The following CACNA1C variants were observed in gnomAD, a reference collection of about 807,000 sequenced individuals.
The protein encoded by CACNA1C is voltage-dependent L-type calcium channel subunit alpha-1C.
In CACNA1C, 30 loss-of-function variants were observed where a neutral mutation model predicts 229.0. The observed-to-expected ratio is 0.13, with a 90% CI of 0.10 to 0.18. The LOEUF (loss-of-function observed/expected upper bound fraction) is 0.18, where lower values mean the gene tolerates loss of function less well. Among genes scored for constraint, CACNA1C ranks in the 10% least tolerant of loss-of-function variants. The pLI is 1.00. For synonymous variants in CACNA1C, 1,114 were observed against 1,132.5 expected (o/e 0.98, Z 0.33); for missense variants, 1,658 against 2,845.0 (o/e 0.58, Z 9.49).
At chr12:2,257,629 T>A (rs539374591) in intron 3 of CACNA1C, among the ~76,000 whole-genome samples, 162 of 152,366 alleles carry the variant, frequency 1.1e-3, no homozygotes, top group Admixed American at 1.6e-3. Context: ...TAACAGGCCA[T>A]GGACCGGTAC....
At chr12:2,668,047 C>A (rs1312612671) in intron 37 of CACNA1C, among the ~76,000 whole-genome samples, 2 of 152,248 alleles carry the variant, frequency 1.3e-5, no homozygotes, top group Admixed American at 6.5e-5. Context: ...TCTGCTCCAA[C>A]TTGATGCAGA....
intron 3 of CACNA1C, among the ~76,000 whole-genome samples, chr12:2,150,530 G>A (rs1313145903): frequency 1.1e-4 from 16 of 152,184 alleles, no homozygotes; most frequent in Admixed American, 1.0e-3. Flanking sequence ...AGGGCTCCCA[G>A]GCTACAGAGC....
At position 2,493,195 on chromosome 12, in the gene CACNA1C, C is replaced by T; in HGVS notation, c.922C>T (p.Pro308Ser). The T allele has an allele frequency of 6.2e-7, 1 of 1,613,428 alleles. No individual in the cohort carries two copies. The change falls in exon 7 of 47, where the codon CCA becomes TCA. Residue 308 changes from proline to serine, a missense_variant. Pro to Ser is a moderately conservative substitution (Grantham distance 74). Transcript: ENST00000399655. This position sits in a 1 kb window ranked among gnomAD's most constrained non-coding sequence, Gnocchi z 4.6. ...TCTTCTTCTGGCCATTTGAGATGTT[C>T]CAGCAGAAGATGACCCTTCCCCTTG... ...CYNQEGIADV[P>S]AEDDPSPCAL... is the part of the protein sequence containing the mutation.
chr12:2,642,927 A>C (rs978874774), intron 30 of CACNA1C, among the ~76,000 whole-genome samples: 1 of 152,238 alleles, frequency 6.6e-6, no homozygotes, highest in Admixed American at 6.5e-5. Flanking sequence ...ATCAGGCTGC[A>C]CATGATAACA....
intron 3 of CACNA1C, among the ~76,000 whole-genome samples, chr12:2,228,509 G>C (rs867690367): frequency 6.6e-6 from 1 of 152,204 alleles, no homozygotes; most frequent in African/African-American, 2.4e-5. Context: ...AAACAGCATA[G>C]GAGTTAAGCC....
Position 2,692,815 on chromosome 12 carries a change from T to A in CACNA1C, c.*1616T>A, listed in dbSNP as rs1429219704. On this transcript the variant is annotated 3_prime_UTR_variant, in exon 47 of 47. Coordinates refer to ENST00000399655, the MANE Select transcript of CACNA1C (RefSeq NM_000719.7). ...TTTCAGTATTTTTCAAATATTTTTT[T>A]AAAACTGAATTGCAATTGTGCCAAG... 3 of 152,692 alleles carry A rather than the reference T, an allele frequency of 2.0e-5. No homozygotes were observed. Among genetic ancestry groups the A allele is most frequent in the Admixed American group, 6.5e-5 (1 of 15,294 alleles). The allele number at this position is 152,692 out of a possible 1,614,324, so 9.5% of individuals were successfully genotyped here.
At chr12:2,228,197 A>C (rs1354890963) in intron 3 of CACNA1C, among the ~76,000 whole-genome samples, 1 of 152,192 alleles carries the variant, frequency 6.6e-6, no homozygotes, top group Non-Finnish European at 1.5e-5. Context: ...CACACCTTAC[A>C]CAGGGAACTC....
In CACNA1C at chr12:2,597,125, T is replaced by C; in HGVS notation, c.2794-105T>C. On this transcript the variant is annotated intron_variant, in intron 20 of 46. Transcript: ENST00000399655. The surrounding 1 kb of genome is among the most constrained non-coding windows in gnomAD (Gnocchi z 4.3). ...AGGCTTAAGTGCCAGGCATCTCATT[T>C]TGAAGTGTGGCCCCTTTTCTGGTGA... 1 of 747,794 alleles carries C rather than the reference T, an allele frequency of 1.3e-6. No individual in the cohort carries two copies. Among genetic ancestry groups the C allele is most frequent in the Non-Finnish European group, 2.4e-6 (1 of 422,672 alleles). The allele number at this position is 747,794 out of a possible 1,614,324, so 46.3% of individuals were successfully genotyped here. A position where few individuals can be genotyped will look rare whatever the true frequency, so the allele number is the denominator to read the frequency against.
chr12:2,565,492 A>T (rs1034083295), intron 11 of CACNA1C, among the ~76,000 whole-genome samples: 1 of 151,878 alleles, frequency 6.6e-6, no homozygotes, highest in African/African-American at 2.4e-5. Flanking sequence ...AAAAAAAAAA[A>T]AAAATACCCA....
At chr12:2,606,780 G>A in intron 25 of CACNA1C, 117 bp downstream of exon 25, 1 of 989,184 alleles carries the variant, frequency 1.0e-6, no homozygotes, top group South Asian at 1.5e-5. Context: ...CCTGCGCTCT[G>A]CCTGTGTGTC....
intron 3 of CACNA1C, among the ~76,000 whole-genome samples, chr12:2,299,060 C>T (rs540199002): frequency 1.3e-5 from 2 of 152,136 alleles, no homozygotes; most frequent in Non-Finnish European, 2.9e-5. Context: ...AAAATTAGCC[C>T]GAGCTGTTAA....
chr12:2,428,425 T>C lies in CACNA1C; in HGVS notation c.478-20551T>C, dbSNP rs181772742. On this transcript the variant is annotated intron_variant, in intron 3 of 46. Transcript: ENST00000399655. Reference sequence around the variant, plus strand: ...GGATCCAGCCAGCTGTGGTGTTGGCTTTGCATGTCACTCACCTGGTATTTA... The same window carrying C: ...GGATCCAGCCAGCTGTGGTGTTGGCCTTGCATGTCACTCACCTGGTATTTA... 2.8e-4 allele frequency among the ~76,000 whole-genome samples: 42 copies of C among 152,350 alleles called. No individual in the cohort carries two copies. The East Asian group carries it at 7.7e-3, about 28-fold the overall frequency.
intron 1 of CACNA1C, among the ~76,000 whole-genome samples, chr12:2,094,221 C>T (rs778483003): frequency 6.6e-6 from 1 of 152,124 alleles, no homozygotes; most frequent in Non-Finnish European, 1.5e-5. Flanking sequence ...GAAGTGCATC[C>T]CCAAGGGTTA....
Position 2,652,597 on chromosome 12 carries a change from GT to G in CACNA1C, c.4074+830del, listed in dbSNP as rs150783917. On this transcript the variant is annotated intron_variant, in intron 32 of 46. Transcript: ENST00000399655. ...GTCTTTGTGTGCCCCACCCTGGCCA[GT>G]CCCTGCCCGGGGACAGGGCATGCCT... 7.9e-4 allele frequency among the ~76,000 whole-genome samples: 121 copies of G among 152,334 alleles called. 2 individuals carry two copies. In the East Asian group the frequency reaches 0.021, roughly 27 times the overall value.
chr12:2,416,554 CCACTAGTAAGTGGCA>C (rs2098906998), intron 3 of CACNA1C, among the ~76,000 whole-genome samples: 1 of 152,208 alleles, frequency 6.6e-6, no homozygotes, highest in Non-Finnish European at 1.5e-5. Flanking sequence ...CCAGGTCAAA[CCACTAGTAAGTGGCA>C]GCACCTGGCT....
intron 1 of CACNA1C, among the ~76,000 whole-genome samples, chr12:2,028,526 A>T (rs75910475): frequency 0.01 from 1,528 of 152,280 alleles, 13 homozygotes; most frequent in Non-Finnish European, 0.016. Context: ...TTTACTATTG[A>T]ATTCCTCCTT....
chr12:2,500,515 A>G (rs1236918910), intron 7 of CACNA1C, among the ~76,000 whole-genome samples: 1 of 152,218 alleles, frequency 6.6e-6, no homozygotes, highest in Non-Finnish European at 1.5e-5. Flanking sequence ...CCTGGGCGCC[A>G]TCGAGCCCAA....
rs923921523 is a variant in CACNA1C, at chr12:2,595,695, G to A, written c.2664-179G>A. 1.3e-5 allele frequency among the ~76,000 whole-genome samples: 2 copies of A among 152,150 alleles called. No homozygotes were observed. The highest frequency in any genetic ancestry group is 2.9e-5 in the Non-Finnish European group (2 of 68,032). The stretch of plus-strand genomic sequence containing the variant: ...CAAAGATGATATGTGCACCATGGGG[G>A]TGAGCAGTTGTCATTACCAAGCAGC... On this transcript the variant is annotated intron_variant, in intron 19 of 46. Transcript: ENST00000399655. The surrounding 1 kb of genome is among the most constrained non-coding windows in gnomAD (Gnocchi z 4.1).
chr12:2,212,332 C>T (rs930639419), intron 3 of CACNA1C, among the ~76,000 whole-genome samples: 3 of 152,082 alleles, frequency 2.0e-5, no homozygotes, highest in South Asian at 2.1e-4. Context: ...CAGTGGTTGC[C>T]GCTAGCTTCA....
Sources: gnomAD v4.1 joint callset for allele counts (sites outside exome capture counted in the v4.1 genomes callset) on GRCh38, gnomAD v4.1.1 for gene constraint, Gnocchi (gnomAD v3.1) non-coding constraint, MANE v1.5 for transcripts, NCBI Gene and HGNC (gene_info 2026-07-23, HGNC 2026-07-21) for gene names.